Variants in HERC4 observed in about 807,000 individuals in gnomAD.
HERC4 encodes HECT and RLD domain containing E3 ubiquitin protein ligase 4, also known as probable E3 ubiquitin-protein ligase HERC4.
HERC4 carries 28 observed loss-of-function variants against 124.3 expected under a neutral mutation model. That is an observed-to-expected ratio of 0.23 (90% CI 0.17 to 0.31). The LOEUF is 0.31. Among genes scored for constraint, HERC4 ranks in the 10% least tolerant of loss-of-function variants. The pLI is 1.00. For synonymous variants in HERC4, 407 were observed against 421.5 expected, an observed-to-expected ratio of 0.97 and a Z score of 0.42; for missense variants, 713 against 1,229.3, an observed-to-expected ratio of 0.58 and a Z score of 6.28.
At chr10:67,972,529 GAAAAAAAA>G (rs58031306) in intron 15 of HERC4, among the ~76,000 whole-genome samples, 1,512 of 58,540 alleles carry the variant, frequency 0.026, 20 homozygotes, top group African/African-American at 0.094. Flanking sequence ...CAAAAAAGAG[GAAAAAAAA>G]AAAAAAAAAA....
intron 7 of HERC4, among the ~76,000 whole-genome samples, chr10:68,028,948 C>T (rs1321708507): frequency 6.6e-6 from 1 of 151,840 alleles, no homozygotes; most frequent in African/African-American, 2.4e-5. Flanking sequence ...AGGTGGGAGG[C>T]TCGCTTAAAA....
intron 9 of HERC4, among the ~76,000 whole-genome samples, chr10:67,995,536 T>C (rs2036818557): frequency 6.6e-6 from 1 of 152,052 alleles, no homozygotes; most frequent in African/African-American, 2.4e-5. Context: ...TTTCCTTTAT[T>C]TATTGTTTGT....
chr10:68,049,084 T>C (rs769574959), intron 3 of HERC4, among the ~76,000 whole-genome samples: 1 of 149,116 alleles, frequency 6.7e-6, no homozygotes, highest in Non-Finnish European at 1.5e-5. Context: ...TGTGTATGTG[T>C]ATATATATAT....
intron 9 of HERC4, among the ~76,000 whole-genome samples, chr10:68,009,252 G>T (rs1003898381): frequency 1.3e-5 from 2 of 151,446 alleles, no homozygotes; most frequent in Non-Finnish European, 2.9e-5. Flanking sequence ...ATGTTTATAC[G>T]ATACTGTAGT....
chr10:67,959,122 T>C (rs956801915), intron 16 of HERC4: 1 of 1,598,442 alleles, frequency 6.3e-7, no homozygotes, highest in African/African-American at 1.3e-5. Flanking sequence ...CCTCAGTTAA[T>C]CCATGGTTGA....
chr10:68,014,211 C>CAGACTTAATGTTACCT (rs2038131521), intron 8 of HERC4, 25 bp from the exon 9 acceptor site: 54 of 1,532,484 alleles, frequency 3.5e-5, no homozygotes, highest in Non-Finnish European at 4.7e-5. Context: ...TAGAAAACTT[C>CAGACTTAATGTTACCT]AGACTTAATG....
chr10:67,992,924 G>T (rs1179604074), intron 9 of HERC4: 1 of 309,078 alleles, frequency 3.2e-6, no homozygotes. Flanking sequence ...CCTTTCTTCT[G>T]CCCTGCACCA....
intron 22 of HERC4, among the ~76,000 whole-genome samples, chr10:67,933,315 T>C (rs2032019383): frequency 6.6e-6 from 1 of 152,164 alleles, no homozygotes. Flanking sequence ...AGTACAAGTG[T>C]AGTTTCTTTT....
intron 23 of HERC4, among the ~76,000 whole-genome samples, chr10:67,927,340 ATAC>A (rs1348658171): frequency 6.7e-6 from 1 of 148,230 alleles, no homozygotes; most frequent in Non-Finnish European, 1.5e-5. Context: ...TGAATCAGAT[ATAC>A]AACAGAAGAA....
chr10:68,037,385 T>C (rs908313576), intron 5 of HERC4, among the ~76,000 whole-genome samples: 1 of 152,140 alleles, frequency 6.6e-6, no homozygotes, highest in Admixed American at 6.5e-5. Context: ...CGTGAGCCAC[T>C]GCGCCCAGCA....
Position 68,032,880 on chromosome 10 carries a change from C to A in HERC4, c.686-11G>T. 1 of 1,311,344 alleles carries A rather than the reference C, an allele frequency of 7.6e-7. No homozygotes were observed. Among genetic ancestry groups the A allele is most frequent in the South Asian group, 1.2e-5 (1 of 84,792 alleles). The allele number at this position is 1,311,344 out of a possible 1,614,324, so 81.2% of individuals were successfully genotyped here. ...TAGGAACATACCTATCTGAAAATTC[C>A]AACAAGAGATGTTAATAGTATTTTA... On this transcript the variant is annotated splice_polypyrimidine_tract_variant and intron_variant, in intron 6 of 24. Coordinates refer to ENST00000373700, the MANE Select transcript of HERC4 (RefSeq NM_015601.4).
intron 3 of HERC4, among the ~76,000 whole-genome samples, chr10:68,061,110 T>A (rs1179029710): frequency 1.3e-5 from 2 of 152,100 alleles, no homozygotes; most frequent in Non-Finnish European, 2.9e-5. Context: ...TCCCAATAGC[T>A]CTTGCCTACA....
At chr10:68,020,433 T>G (rs2038540742) in intron 8 of HERC4, among the ~76,000 whole-genome samples, 1 of 151,264 alleles carries the variant, frequency 6.6e-6, no homozygotes, top group Non-Finnish European at 1.5e-5. Flanking sequence ...AAAAAAAATG[T>G]ATGAACAAAA....
chr10:68,020,492 C>T (rs371980331), intron 8 of HERC4, among the ~76,000 whole-genome samples: 154 of 151,998 alleles, frequency 1.0e-3, no homozygotes, highest in African/African-American at 3.4e-3. Context: ...TTGGGCCGGG[C>T]GCGGTGGCTC....
chr10:67,954,001 C>T (rs1366993563), intron 19 of HERC4, among the ~76,000 whole-genome samples: 1 of 152,132 alleles, frequency 6.6e-6, no homozygotes, highest in Non-Finnish European at 1.5e-5. Context: ...GTCAGGAGTT[C>T]TACTAAACTG....
intron 9 of HERC4, chr10:68,010,616 G>A (rs746315267): frequency 2.9e-6 from 4 of 1,376,440 alleles, no homozygotes; most frequent in Non-Finnish European, 4.1e-6. Flanking sequence ...TTTCGGCTTT[G>A]CATATCTCCT....
At chr10:67,963,275 GGC>G (rs2034636459) in intron 16 of HERC4, among the ~76,000 whole-genome samples, 2 of 152,116 alleles carry the variant, frequency 1.3e-5, no homozygotes, top group Non-Finnish European at 2.9e-5. Flanking sequence ...GGAGTGCAGT[GGC>G]GTGATCTCAA....
chr10:67,980,198 G>C (rs1300476519), intron 15 of HERC4, among the ~76,000 whole-genome samples: 2 of 152,006 alleles, frequency 1.3e-5, no homozygotes, highest in Non-Finnish European at 2.9e-5. Context: ...CACAACCTTC[G>C]CCTTCCAGAT....
Position 68,034,216 on chromosome 10 carries a change from T to C in HERC4, c.464-30A>G, listed in dbSNP as rs779655175. ...AAAACAGTAATGGAAAAATTAACCA[T>C]TTTTCTCACATGCAAAAAATTTAAT... On this transcript the variant is annotated intron_variant, in intron 5 of 24. Coordinates refer to ENST00000373700, the MANE Select transcript of HERC4 (RefSeq NM_015601.4). 6 of 1,491,428 alleles carry C rather than the reference T, an allele frequency of 4.0e-6. No individual in the cohort carries two copies. The African/African-American group carries it at 7.0e-5, about 17-fold the overall frequency. 92.4% of individuals were successfully genotyped at this position (1,491,428 alleles called of 1,614,324 possible).
Sources: allele counts gnomAD v4.1 joint callset (sites outside exome capture counted in the v4.1 genomes callset), GRCh38; gene constraint gnomAD v4.1.1; transcripts MANE v1.5; gene names NCBI Gene and HGNC (gene_info 2026-07-23, HGNC 2026-07-21).